LIMCH1: variants seen among roughly 807,000 people sequenced by gnomAD.
LIMCH1 encodes LIM and calponin homology domains 1, also known as LIM and calponin homology domains-containing protein 1.
LIMCH1 carries 113 observed loss-of-function variants against 176.5 expected under a neutral mutation model. That is an observed-to-expected ratio of 0.64 (90% confidence interval 0.55 to 0.75). The LOEUF (loss-of-function observed/expected upper bound fraction) is 0.75, where lower values mean the gene tolerates loss of function less well. LIMCH1 is among the 30% of genes least tolerant of loss of function. The probability of loss-of-function intolerance (pLI) is 0.00; values close to 1 mark genes in which losing one functional copy is unlikely to be tolerated. For missense variants in LIMCH1, 1,674 were observed against 1,814.9 expected (o/e 0.92, Z 1.41); for synonymous variants, 619 against 645.9 (o/e 0.96, Z 0.63).
intron 1 of LIMCH1, among the ~76,000 whole-genome samples, chr4:41,439,254 A>G (rs2062438812): frequency 6.6e-6 from 1 of 152,194 alleles, no homozygotes; most frequent in South Asian, 2.1e-4. Flanking sequence ...GATTTCTAAT[A>G]CCTACAACAA....
In LIMCH1 at chr4:41,629,348, C is replaced by T. The variant is rs1934602775; in HGVS notation, c.1029-144C>T. 5.1e-6 allele frequency: 5 copies of T among 987,558 alleles called. No individual in the cohort carries two copies. In the Admixed American group the frequency reaches 1.4e-4, roughly 28 times the overall value. The allele number at this position is 987,558 out of a possible 1,614,324, so 61.2% of individuals were successfully genotyped here. ...AAAGTCATCACAGCTCCCGTTGATT[C>T]CATTTTTGAGAAAGAGAAAAGTGTT... is the stretch of plus-strand genomic sequence containing the variant. On this transcript the variant is annotated intron_variant, in intron 8 of 31. Transcript: ENST00000503057.
Position 41,682,353 on chromosome 4 carries a change from C to G in LIMCH1, c.3738C>G (p.Asn1246Lys), listed in dbSNP as rs754606375. The change falls in exon 26 of 32, where the codon AAC (asparagine) becomes AAG (lysine). Residue 1246 changes from asparagine to lysine, a missense_variant. Physicochemically the swap from Asn to Lys is moderately conservative, Grantham distance 94. Coordinates refer to ENST00000503057, the MANE Select transcript of LIMCH1 (RefSeq NM_001330672.2). ...CTTAGAATAAGATAGACCTGGGAAACTGTCAAGATGAAAAACAAGACAGAA... is the reference window on the plus strand; with the variant it reads ...CTTAGAATAAGATAGACCTGGGAAAGTGTCAAGATGAAAAACAAGACAGAA... ...SGTMNKIDLG[N>K]CQDEKQDRRW... 6.2e-7 allele frequency: 1 copy of G among 1,611,516 alleles called. No individual in the cohort carries two copies. The highest frequency in any genetic ancestry group is 1.1e-5 in the South Asian group (1 of 90,958).
chr4:41,696,601 A>C (rs1224984348), intron 31 of LIMCH1, among the ~76,000 whole-genome samples: 1 of 152,208 alleles, frequency 6.6e-6, no homozygotes, highest in Non-Finnish European at 1.5e-5. Flanking sequence ...TGGATTTAAC[A>C]TAAGTATGTC....
chr4:41,598,467 A>G (rs1230975295), intron 1 of LIMCH1, among the ~76,000 whole-genome samples: 1 of 152,162 alleles, frequency 6.6e-6, no homozygotes, highest in African/African-American at 2.4e-5. Context: ...AAATACATCT[A>G]AAGAATATAT....
At chr4:41,526,565 G>A (rs922242955) in intron 3 of LIMCH1, among the ~76,000 whole-genome samples, 7 of 152,120 alleles carry the variant, frequency 4.6e-5, no homozygotes, top group African/African-American at 9.6e-5. Flanking sequence ...CGGTTCTCGC[G>A]TCATGCCTGT....
chr4:41,650,350 G>T, intron 17 of LIMCH1, 43 bp from the exon 18 acceptor site: 1 of 1,363,662 alleles, frequency 7.3e-7, no homozygotes, highest in Non-Finnish European at 1.0e-6. Flanking sequence ...GTCTTTGATT[G>T]GGGTATATAT....
Position 41,437,620 on chromosome 4 carries a change from G to A in LIMCH1, c.97-56916G>A, listed in dbSNP as rs529296627. Among the ~76,000 whole-genome samples, 6 of 152,342 alleles carry A rather than the reference G, an allele frequency of 3.9e-5. No individual in the cohort carries two copies. The South Asian group carries it at 6.2e-4, about 16-fold the overall frequency. ...GCTTTTGCTAGATACTGTGCTTGGT[G>A]TGTTGTAGGTGGACTTCAAAATAAT... On this transcript the variant is annotated intron_variant, in intron 1 of 26. Coordinates refer to the LIMCH1 transcript ENST00000313860.
At chr4:41,531,474 T>TCACACACACACACACACACACACACA (rs59275736) in intron 3 of LIMCH1, among the ~76,000 whole-genome samples, 1 of 126,986 alleles carries the variant, frequency 7.9e-6, no homozygotes, top group African/African-American at 3.3e-5. Flanking sequence ...TCTTTCTCTG[T>TCACACACACACACACACACACACACA]CACACACACA....
At chr4:41,459,087 C>T (rs1416808461) in intron 1 of LIMCH1, among the ~76,000 whole-genome samples, 1 of 152,036 alleles carries the variant, frequency 6.6e-6, no homozygotes, top group Non-Finnish European at 1.5e-5. Context: ...TGGCACTGTA[C>T]AAGTTATGAT....
intron 21 of LIMCH1, 103 bp downstream of exon 21, chr4:41,666,769 CT>C: frequency 3.9e-6 from 3 of 759,848 alleles, no homozygotes; most frequent in Non-Finnish European, 6.7e-6. Flanking sequence ...GTTGCTATTC[CT>C]TTAGCCAGGG....
At chr4:41,371,738 C>G (rs1362618212) in intron 1 of LIMCH1, among the ~76,000 whole-genome samples, 1 of 152,182 alleles carries the variant, frequency 6.6e-6, no homozygotes, top group Non-Finnish European at 1.5e-5. Flanking sequence ...TCCTGAGTCC[C>G]CACATAGTGC....
intron 5 of LIMCH1, among the ~76,000 whole-genome samples, chr4:41,617,752 G>A (rs78308690): frequency 2.6e-5 from 4 of 152,226 alleles, no homozygotes; most frequent in East Asian, 1.9e-4. Context: ...AACCTCCAGG[G>A]CAAATCATTT....
Position 41,626,705 on chromosome 4 carries a change from C to T in LIMCH1, c.726-3C>T, listed in dbSNP as rs2092974386. On this transcript the variant is annotated splice_region_variant and splice_polypyrimidine_tract_variant and intron_variant, in intron 7 of 31. Transcript: ENST00000503057. The stretch of plus-strand genomic sequence containing the variant: ...GGAGTCCCATTTAATTTTCCCCTAT[C>T]AGTCAAAAACAATTAAGTGAAGAGA... 36 of 1,533,272 alleles carry T rather than the reference C, an allele frequency of 2.3e-5. No homozygotes were observed. The highest frequency in any genetic ancestry group is 3.0e-5 in the Non-Finnish European group (34 of 1,144,524). The allele number at this position is 1,533,272 out of a possible 1,614,324, so 95.0% of individuals were successfully genotyped here.
intron 2 of LIMCH1, among the ~76,000 whole-genome samples, chr4:41,521,481 T>C (rs1583445580): frequency 1.3e-5 from 2 of 152,196 alleles, no homozygotes; most frequent in South Asian, 2.1e-4. Context: ...TCTTAACTTA[T>C]ATAGGATGGC....
chr4:41,390,049 T>A (rs1451490172), intron 1 of LIMCH1, among the ~76,000 whole-genome samples: 2 of 152,198 alleles, frequency 1.3e-5, no homozygotes, highest in East Asian at 3.9e-4. Flanking sequence ...AGCACCATTT[T>A]TTTTTTAACT....
chr4:41,559,111 A>G (rs2081709735), intron 1 of LIMCH1, among the ~76,000 whole-genome samples: 1 of 152,214 alleles, frequency 6.6e-6, no homozygotes, highest in Non-Finnish European at 1.5e-5. Flanking sequence ...TTATGACAAT[A>G]TATGTGGAAG....
At chr4:41,548,082 A>G (rs1436558007) in intron 1 of LIMCH1, among the ~76,000 whole-genome samples, 1 of 151,804 alleles carries the variant, frequency 6.6e-6, no homozygotes, top group East Asian at 1.9e-4. Context: ...GGATCAACGT[A>G]GCATGTTGCC....
intron 1 of LIMCH1, among the ~76,000 whole-genome samples, chr4:41,389,996 C>T (rs2057016310): frequency 6.6e-6 from 1 of 152,222 alleles, no homozygotes; most frequent in African/African-American, 2.4e-5. Flanking sequence ...TGGTGCTTCT[C>T]TGCATTCACC....
intron 5 of LIMCH1, 87 bp from the exon 6 acceptor site, chr4:41,619,101 T>C: frequency 6.8e-7 from 1 of 1,462,740 alleles, no homozygotes. Context: ...AACCCACAGA[T>C]TGAACCACAT....
Sources: allele counts gnomAD v4.1 joint callset (sites outside exome capture counted in the v4.1 genomes callset), GRCh38; gene constraint gnomAD v4.1.1; transcripts MANE v1.5; gene names NCBI Gene and HGNC (gene_info 2026-07-23, HGNC 2026-07-21).